MELK: variants seen among roughly 807,000 people sequenced by gnomAD.
The protein encoded by MELK is maternal embryonic leucine zipper kinase, also known as pEg3 kinase.
In MELK, 81 loss-of-function variants were observed where a neutral mutation model predicts 85.0. The observed-to-expected ratio is 0.95, with a 90% CI of 0.80 to 1.15. The LOEUF is 1.15. Ranked by LOEUF, MELK falls within the 50% of genes most tolerant of loss-of-function variation. The probability of loss-of-function intolerance (pLI) is 0.00; values close to 1 mark genes in which losing one functional copy is unlikely to be tolerated. For missense variants in MELK, 754 were observed against 777.5 expected, an observed-to-expected ratio of 0.97 and a Z score of 0.36; for synonymous variants, 252 against 265.0, an observed-to-expected ratio of 0.95 and a Z score of 0.48.
At chr9:36,604,092 C>T (rs910569035) in intron 7 of MELK, among the ~76,000 whole-genome samples, 18 of 150,996 alleles carry the variant, frequency 1.2e-4, no homozygotes, top group Non-Finnish European at 2.5e-4. Context: ...GCCTCAGCCT[C>T]CCGAATTGCT....
At chr9:36,606,533 ATAATAT>A (rs1347181117) in intron 7 of MELK, among the ~76,000 whole-genome samples, 13 of 135,016 alleles carry the variant, frequency 9.6e-5, no homozygotes, top group East Asian at 2.1e-4. Flanking sequence ...TATATAATAT[ATAATAT>A]ATACATATGT....
At position 36,589,452 on chromosome 9, in the gene MELK, C is replaced by T. The variant is rs1476922109; in HGVS notation, c.145-84C>T. ...GTGAGCCACCGTGCCCGGCCAGCTA[C>T]TTAGTATTAAAGCTGTTAGTATTGG... On this transcript the variant is annotated intron_variant, in intron 3 of 17. Coordinates refer to ENST00000298048, the MANE Select transcript of MELK (RefSeq NM_014791.4). 3 of 1,124,730 alleles carry T rather than the reference C, an allele frequency of 2.7e-6. No individual in the cohort carries two copies. The Admixed American group carries it at 5.4e-5, about 20-fold the overall frequency. 69.7% of individuals were successfully genotyped at this position (1,124,730 alleles called of 1,614,324 possible). A position where few individuals can be genotyped will look rare whatever the true frequency, so the allele number is the denominator to read the frequency against.
At position 36,615,902 on chromosome 9, in the gene MELK, C is replaced by G. The variant is rs1437708400; in HGVS notation, c.666+8229C>G. Among the ~76,000 whole-genome samples, 23 of 150,838 alleles carry G rather than the reference C, an allele frequency of 1.5e-4. No homozygotes were observed. In the East Asian group the frequency reaches 4.1e-3, roughly 27 times the overall value. ...AGCCAGGCAGAGGGGCTCCTCACAT[C>G]CCAGACGATGGGCAGCCAGGCAGAG... On this transcript the variant is annotated intron_variant, in intron 8 of 17. Transcript: ENST00000298048.
rs549648408 is a variant in MELK at position 36,677,402 on chromosome 9, T to C, written c.*65T>C. ...GATACAGCCTACATAAAGACTGTTA[T>C]GATCGCTTTGATTTTAAAGTTCATT... On this transcript the variant is annotated 3_prime_UTR_variant, in exon 18 of 18. Transcript: ENST00000298048. The C allele has an allele frequency of 2.3e-4, 315 of 1,389,824 alleles. No individual in the cohort carries two copies. The highest frequency in any genetic ancestry group is 2.9e-4 in the Non-Finnish European group (302 of 1,045,858). 86.1% of individuals were successfully genotyped at this position (1,389,824 alleles called of 1,614,324 possible). A position where few individuals can be genotyped will look rare whatever the true frequency, so the allele number is the denominator to read the frequency against.
intron 15 of MELK, among the ~76,000 whole-genome samples, chr9:36,670,727 C>CTA (rs1832805332): frequency 6.6e-6 from 1 of 151,176 alleles, no homozygotes; most frequent in South Asian, 2.1e-4. Flanking sequence ...TTGAACTTTT[C>CTA]TATATATATG....
chr9:36,649,359 C>T (rs924385745), intron 11 of MELK, among the ~76,000 whole-genome samples: 10 of 151,804 alleles, frequency 6.6e-5, no homozygotes, highest in Admixed American at 1.3e-4. Flanking sequence ...TGGTGGCGGG[C>T]GCCTGTAGTC....
At chr9:36,630,460 G>GA (rs1480906357) in intron 9 of MELK, 93 bp downstream of exon 9, 11 of 1,015,516 alleles carry the variant, frequency 1.1e-5, no homozygotes, top group African/African-American at 1.6e-5. Flanking sequence ...CTATTAGCTT[G>GA]AAAAAAATCC....
intron 5 of MELK, 74 bp downstream of exon 5, chr9:36,594,845 C>A (rs936883631): frequency 6.7e-5 from 101 of 1,500,216 alleles, no homozygotes; most frequent in Non-Finnish European, 8.5e-5. Context: ...TACAAATGAT[C>A]TGATTAGGAA....
At chr9:36,646,848 A>C (rs1185688142) in intron 11 of MELK, among the ~76,000 whole-genome samples, 1 of 152,188 alleles carries the variant, frequency 6.6e-6, no homozygotes, top group Non-Finnish European at 1.5e-5. Context: ...GTGCCAGGAC[A>C]CCTCTTTAAC....
At chr9:36,592,633 CTTG>C (rs927657450) in intron 4 of MELK, among the ~76,000 whole-genome samples, 9 of 152,074 alleles carry the variant, frequency 5.9e-5, no homozygotes, top group African/African-American at 2.2e-4. Context: ...TACTTTGCAC[CTTG>C]TTTTTTTCCC....
At chr9:36,578,459 T>G (rs556860681) in intron 1 of MELK, among the ~76,000 whole-genome samples, 1 of 152,296 alleles carries the variant, frequency 6.6e-6, no homozygotes, top group South Asian at 2.1e-4. Context: ...AGACCACATC[T>G]GTAGTAAAAA....
At chr9:36,595,000 C>A (rs1225469924) in intron 5 of MELK, among the ~76,000 whole-genome samples, 1 of 145,458 alleles carries the variant, frequency 6.9e-6, no homozygotes, top group Non-Finnish European at 1.5e-5. Context: ...GATCTCGGCT[C>A]ACTGCGACCT....
rs760394277 is a variant in MELK at position 36,677,380 on chromosome 9, A to G, written c.*43A>G. On this transcript the variant is annotated 3_prime_UTR_variant, in exon 18 of 18. Coordinates refer to ENST00000298048, the MANE Select transcript of MELK (RefSeq NM_014791.4). ...CCTGCCGGATGAGTGTGGGTGTGATACAGCCTACATAAAGACTGTTATGAT... is the reference window on the plus strand; with the variant it reads ...CCTGCCGGATGAGTGTGGGTGTGATGCAGCCTACATAAAGACTGTTATGAT... 2.6e-6 allele frequency: 4 copies of G among 1,544,146 alleles called. No individual in the cohort carries two copies. The highest frequency in any genetic ancestry group is 3.5e-6 in the Non-Finnish European group (4 of 1,138,386).
chr9:36,615,662 C>G (rs1826642866), intron 8 of MELK, among the ~76,000 whole-genome samples: 2 of 140,478 alleles, frequency 1.4e-5, no homozygotes, highest in Admixed American at 1.4e-4. Flanking sequence ...AGAGACGCTC[C>G]TCACCTCCCA....
intron 10 of MELK, among the ~76,000 whole-genome samples, chr9:36,636,684 A>G (rs1308787064): frequency 6.6e-6 from 1 of 152,100 alleles, no homozygotes; most frequent in Non-Finnish European, 1.5e-5. Flanking sequence ...CCTGGGCCAC[A>G]TGTGTCCATC....
At chr9:36,648,634 C>T (rs772973773) in intron 11 of MELK, among the ~76,000 whole-genome samples, 12 of 152,244 alleles carry the variant, frequency 7.9e-5, no homozygotes, top group Middle Eastern at 6.8e-3. Context: ...ACTTTGAGAA[C>T]GCTGAAACCA....
At chr9:36,582,259 C>T (rs996603404) in intron 2 of MELK, among the ~76,000 whole-genome samples, 4 of 152,194 alleles carry the variant, frequency 2.6e-5, no homozygotes, top group Admixed American at 6.5e-5. Context: ...TGAGCCACCG[C>T]GCCCAGGCTT....
At chr9:36,649,536 C>T (rs897804371) in intron 11 of MELK, among the ~76,000 whole-genome samples, 3 of 151,774 alleles carry the variant, frequency 2.0e-5, no homozygotes, top group South Asian at 2.1e-4. Flanking sequence ...GAGGCTGAGG[C>T]GGCAGGTGGA....
chr9:36,600,326 A>G (rs1197352530), intron 7 of MELK, among the ~76,000 whole-genome samples: 1 of 151,604 alleles, frequency 6.6e-6, no homozygotes, highest in African/African-American at 2.4e-5. Flanking sequence ...CTGACCTCAA[A>G]TGATTCACCC....
Sources: gnomAD v4.1 joint callset for allele counts (sites outside exome capture counted in the v4.1 genomes callset) on GRCh38, gnomAD v4.1.1 for gene constraint, MANE v1.5 for transcripts, NCBI Gene and HGNC (gene_info 2026-07-23, HGNC 2026-07-21) for gene names.